The following PLEKHH3 variants were observed in gnomAD, a reference collection of about 807,000 sequenced individuals.
The protein encoded by PLEKHH3 is pleckstrin homology, MyTH4 and FERM domain containing H3, also known as pleckstrin homology domain-containing family H member 3.
PLEKHH3 carries 57 observed loss-of-function variants against 77.8 expected under a neutral mutation model. The ratio of observed to expected loss-of-function variants is 0.73; its 90% CI spans 0.59 to 0.91. The LOEUF is 0.91. Ranked by LOEUF, PLEKHH3 falls within the 40% of genes least tolerant of loss-of-function variation. PLEKHH3 has a pLI of 0.00. For missense variants in PLEKHH3, 1,082 were observed against 1,091.2 expected, an observed-to-expected ratio of 0.99 and a Z score of 0.12; for synonymous variants, 467 against 504.8, an observed-to-expected ratio of 0.93 and a Z score of 1.00.
intron 12 of PLEKHH3, 158 bp from the exon 13 acceptor site, chr17:42,668,461 T>A: frequency 3.4e-6 from 2 of 587,378 alleles, no homozygotes; most frequent in Non-Finnish European, 5.3e-6. Flanking sequence ...CTCCTTCATT[T>A]CTTTTTTGTT....
rs2052711309 is a variant in PLEKHH3, at chr17:42,671,962, C to T, written c.1076+124G>A. 2.5e-6 allele frequency: 2 copies of T among 807,622 alleles called. No homozygotes were observed. Among genetic ancestry groups the T allele is most frequent in the Non-Finnish European group, 3.8e-6 (2 of 530,558 alleles). 50.0% of individuals were successfully genotyped at this position (807,622 alleles called of 1,614,324 possible). A position where few individuals can be genotyped will look rare whatever the true frequency, so the allele number is the denominator to read the frequency against. ...CAACTGCGATAGGATCTTGTATCTCCCACAAAGGCACTGTATGTATTACTC... is the reference window on the plus strand; with the variant it reads ...CAACTGCGATAGGATCTTGTATCTCTCACAAAGGCACTGTATGTATTACTC... On this transcript the variant is annotated intron_variant, in intron 7 of 12. Coordinates refer to ENST00000591022, the MANE Select transcript of PLEKHH3 (RefSeq NM_024927.5). This position sits in a 1 kb window ranked among gnomAD's most constrained non-coding sequence, Gnocchi z 4.7.
At chr17:42,673,878 A>AGG in intron 3 of PLEKHH3, 44 bp from the exon 4 acceptor site, 1 of 1,607,706 alleles carries the variant, frequency 6.2e-7, no homozygotes, top group East Asian at 2.2e-5. Flanking sequence ...TAGAGACATT[A>AGG]ATCCCTAGGG....
At chr17:42,674,114 C>T in intron 2 of PLEKHH3, 101 bp from the exon 3 acceptor site, 2 of 1,294,084 alleles carry the variant, frequency 1.5e-6, no homozygotes, top group Non-Finnish European at 2.2e-6. Flanking sequence ...CCAAGCTGGG[C>T]ACCCCTCCCC....
intron 6 of PLEKHH3, 52 bp downstream of exon 6, chr17:42,673,124 C>G: frequency 1.4e-6 from 2 of 1,472,658 alleles, no homozygotes; most frequent in South Asian, 3.0e-5. Context: ...CAGATTCTTA[C>G]CTCTGAACCA....
chr17:42,675,183 AG>A (rs1646634442), intron 1 of PLEKHH3, among the ~76,000 whole-genome samples: 1 of 151,922 alleles, frequency 6.6e-6, no homozygotes, highest in Non-Finnish European at 1.5e-5. Flanking sequence ...CCCAACCCGG[AG>A]GCCAGTCAGG....
Position 42,668,258 on chromosome 17 carries a change from A to G in PLEKHH3, c.2251T>C (p.Ser751Pro), listed in dbSNP as rs1597784904. Residue 751 changes from serine (S) to proline (P), a missense_variant, in exon 13 of 13, where the codon TCC (serine) becomes CCC (proline). Transcript: ENST00000591022. ...GAGCTGCTGCAGGGCCTCTCGGGGGAGGGGTTGGCCAAGTAGGCATTCACC... is the reference window on the plus strand; with the variant it reads ...GAGCTGCTGCAGGGCCTCTCGGGGGGGGGGTTGGCCAAGTAGGCATTCACC... ...QLVNAYLANP[S>P]PERPCSSSSP... is the part of the protein sequence containing the mutation. 1.9e-6 allele frequency: 3 copies of G among 1,554,740 alleles called. No individual in the cohort carries two copies. The highest frequency in any genetic ancestry group is 1.2e-5 in the South Asian group (1 of 83,456).
At chr17:42,674,157 T>C in intron 2 of PLEKHH3, 144 bp from the exon 3 acceptor site, 1 of 1,104,904 alleles carries the variant, frequency 9.1e-7, no homozygotes, top group Non-Finnish European at 1.3e-6. Flanking sequence ...CATTCTGACC[T>C]CGAACCAGAA....
In PLEKHH3 at chr17:42,673,569, G is replaced by A; in HGVS notation, c.491-13C>T. ...ACTGACCACAGACCTGGGGAAAAGAGAGGCCAGGGAGGGCCATTAGGGTCT... is the reference window on the plus strand; with the variant it reads ...ACTGACCACAGACCTGGGGAAAAGAAAGGCCAGGGAGGGCCATTAGGGTCT... On this transcript the variant is annotated splice_polypyrimidine_tract_variant and intron_variant, in intron 4 of 12. Coordinates refer to ENST00000591022, the MANE Select transcript of PLEKHH3 (RefSeq NM_024927.5). 1 of 1,586,022 alleles carries A rather than the reference G, an allele frequency of 6.3e-7. No homozygotes were observed. The highest frequency in any genetic ancestry group is 8.6e-7 in the Non-Finnish European group (1 of 1,169,328).
intron 1 of PLEKHH3, chr17:42,674,726 C>G (rs1031024504): frequency 1.1e-4 from 35 of 318,698 alleles, no homozygotes; most frequent in Non-Finnish European, 1.8e-4. Flanking sequence ...AATTCCCGCC[C>G]CACCACTAAC....
Position 42,676,359 on chromosome 17 carries a change from A to T in PLEKHH3, c.162+43T>A. The T allele has an allele frequency of 6.2e-7, 1 of 1,609,022 alleles. No homozygotes were observed. The highest frequency in any genetic ancestry group is 8.5e-7 in the Non-Finnish European group (1 of 1,177,362). ...GCGGATCAGCGTGACGGCCGGTTAC[A>T]GCGAGAGTGATTGAGACGAGGCTCC... is the stretch of plus-strand genomic sequence containing the variant. On this transcript the variant is annotated intron_variant, in intron 1 of 12. Coordinates refer to ENST00000591022, the MANE Select transcript of PLEKHH3 (RefSeq NM_024927.5). This position sits in a 1 kb window ranked among gnomAD's most constrained non-coding sequence, Gnocchi z 6.6.
At chr17:42,674,768 G>A in intron 1 of PLEKHH3, 2 of 250,234 alleles carry the variant, frequency 8.0e-6, no homozygotes, top group Non-Finnish European at 1.5e-5. Flanking sequence ...GTCTCTTCCC[G>A]TCTCCGGGCC....
chr17:42,676,657 A>G lies in PLEKHH3; in HGVS notation c.-94T>C, dbSNP rs554822322. ...CGGGGCTCCGACCCGAGCAGGGGAA[A>G]GATGAGGTGGGAGGAGCAGAAGGGA... On this transcript the variant is annotated 5_prime_UTR_variant, in exon 1 of 13. Transcript: ENST00000591022. The surrounding 1 kb of genome is among the most constrained non-coding windows in gnomAD (Gnocchi z 6.6). The G allele has an allele frequency of 2.1e-5, 26 of 1,247,254 alleles. No homozygotes were observed. The South Asian group carries it at 2.8e-4, about 14-fold the overall frequency. The allele number at this position is 1,247,254 out of a possible 1,614,324, so 77.3% of individuals were successfully genotyped here.
chr17:42,672,980 A>C (rs541988507), intron 6 of PLEKHH3, among the ~76,000 whole-genome samples, 196 bp downstream of exon 6: 3 of 152,314 alleles, frequency 2.0e-5, no homozygotes, highest in African/African-American at 7.2e-5. Context: ...GAAGGTGGCC[A>C]AAGGGGGCCC....
rs1417309225 is a variant in PLEKHH3 at position 42,669,950 on chromosome 17, C to T, written c.1981G>A (p.Ala661Thr). 2 of 1,613,196 alleles carry T rather than the reference C, an allele frequency of 1.2e-6. No individual in the cohort carries two copies. Among genetic ancestry groups the T allele is most frequent in the Non-Finnish European group, 1.7e-6 (2 of 1,179,924 alleles). ...ALAAQCPGFG[A>T]ARYDVLELST... ...AGCTCCAGAACGTCATACCGAGCAG[C>T]GCCGAACCCCGGACACTGCGCCGCC... The change falls in exon 11 of 13, where the codon GCT (alanine) becomes ACT (threonine). Residue 661 changes from alanine (A) to threonine (T), a missense_variant. Ala to Thr is a moderately conservative substitution (Grantham distance 58). Transcript: ENST00000591022.
intron 1 of PLEKHH3, 49 bp from the exon 2 acceptor site, chr17:42,674,458 A>C (rs2143602673): frequency 6.6e-7 from 1 of 1,514,574 alleles, no homozygotes; most frequent in South Asian, 1.3e-5. Flanking sequence ...CTTCCTGCGC[A>C]AGGTTCGTGC....
At position 42,670,095 on chromosome 17, in the gene PLEKHH3, A is replaced by G. The variant is rs2143558173; in HGVS notation, c.1836T>C (p.Thr612=). 4 of 1,358,788 alleles carry G rather than the reference A, an allele frequency of 2.9e-6. No individual in the cohort carries two copies. Among genetic ancestry groups the G allele is most frequent in the Non-Finnish European group, 1.9e-6 (2 of 1,064,468 alleles). The allele number at this position is 1,358,788 out of a possible 1,614,324, so 84.2% of individuals were successfully genotyped here. A position where few individuals can be genotyped will look rare whatever the true frequency, so the allele number is the denominator to read the frequency against. Residue 612 remains threonine, a synonymous_variant, in exon 11 of 13, where the codon ACT becomes ACC. Transcript: ENST00000591022. ...CTCCCTCGCGGGCAATGCTTCCCGC[A>G]GTGCGGCCGGCCCCGCCGCGCCGGG... ...ERARRGGAGR[T]AGSIAREGGG...
In PLEKHH3 at chr17:42,669,946, G is replaced by A. The variant is rs2143555429; in HGVS notation, c.1985C>T (p.Ala662Val). The A allele has an allele frequency of 6.2e-7, 1 of 1,613,432 alleles. No individual in the cohort carries two copies. The highest frequency in any genetic ancestry group is 2.2e-5 in the East Asian group (1 of 44,876). ...LAAQCPGFGA[A>V]RYDVLELSTE... Reference sequence around the variant, plus strand: ...GCTCAGCTCCAGAACGTCATACCGAGCAGCGCCGAACCCCGGACACTGCGC... The same window carrying A: ...GCTCAGCTCCAGAACGTCATACCGAACAGCGCCGAACCCCGGACACTGCGC... The change falls in exon 11 of 13, where the codon GCT becomes GTT. Residue 662 changes from alanine to valine, a missense_variant. Transcript: ENST00000591022.
At position 42,673,262 on chromosome 17, in the gene PLEKHH3, A is replaced by G; in HGVS notation, c.683T>C (p.Ile228Thr). Residue 228 changes from isoleucine (I) to threonine (T), a missense_variant, in exon 6 of 13, where the codon ATT becomes ACT. This residue lies in a region of PLEKHH3 where 344 missense variants were observed against 320.8 expected (regional missense o/e 1.07). Transcript: ENST00000591022. ...SCGDPEAVALIYLRNPILRHT... is the reference protein window; with the variant it reads ...SCGDPEAVALTYLRNPILRHT... ...TCTCAGAATCGGGTTCCTCAGGTAA[A>G]TGAGGGCAACGGCCTCTGGGTCCCC... 1.9e-6 allele frequency: 3 copies of G among 1,597,270 alleles called. No homozygotes were observed. The highest frequency in any genetic ancestry group is 1.7e-6 in the Non-Finnish European group (2 of 1,174,736).
At position 42,673,173 on chromosome 17, in the gene PLEKHH3, C is replaced by T. The variant is rs1357328825; in HGVS notation, c.769+3G>A. 1 of 1,516,044 alleles carries T rather than the reference C, an allele frequency of 6.6e-7. No individual in the cohort carries two copies. 93.9% of individuals were successfully genotyped at this position (1,516,044 alleles called of 1,614,324 possible). On this transcript the variant is annotated splice_donor_region_variant and intron_variant, in intron 6 of 12. Transcript: ENST00000591022. Reference sequence around the variant, plus strand: ...AGGGGACTTGGGCCATGGGACCACTCACCTGGGGCGCTGACTCCATAGGGC... The same window carrying T: ...AGGGGACTTGGGCCATGGGACCACTTACCTGGGGCGCTGACTCCATAGGGC...
Sources: gnomAD v4.1 joint callset for allele counts (sites outside exome capture counted in the v4.1 genomes callset) on GRCh38, gnomAD v4.1.1 for gene constraint, gnomAD v4.1.1 regional missense constraint, Gnocchi (gnomAD v3.1) non-coding constraint, MANE v1.5 for transcripts, NCBI Gene and HGNC (gene_info 2026-07-23, HGNC 2026-07-21) for gene names.